Variants in TDRD1 observed in about 807,000 individuals in gnomAD.
TDRD1 encodes the protein tudor domain-containing protein 1.
Under a neutral mutation model 140.6 loss-of-function variants are expected in TDRD1, and 37 were observed. That is an observed-to-expected ratio of 0.26 (90% CI 0.20 to 0.35). The LOEUF is 0.35. TDRD1 is among the 10% of genes least tolerant of loss of function. TDRD1 has a pLI of 1.00. For missense variants in TDRD1, 1,243 were observed against 1,393.0 expected (o/e 0.89, Z 1.71); for synonymous variants, 506 against 475.7 (o/e 1.06, Z -0.83).
intron 3 of TDRD1, among the ~76,000 whole-genome samples, chr10:114,198,904 G>C (rs553020176): frequency 3.2e-4 from 49 of 152,176 alleles, no homozygotes; most frequent in Non-Finnish European, 1.0e-4. Flanking sequence ...CACCCAGTCT[G>C]GTATATATGA....
chr10:114,229,101 CA>C (rs60459811), intron 25 of TDRD1, among the ~76,000 whole-genome samples: 143,357 of 149,502 alleles, frequency 0.96, 68,654 homozygotes, highest in East Asian at 1. Context: ...CAAAACAAAA[CA>C]AAAAAAAAAA....
At chr10:114,187,021 G>A (rs2033587371) in intron 1 of TDRD1, among the ~76,000 whole-genome samples, 1 of 152,162 alleles carries the variant, frequency 6.6e-6, no homozygotes, top group African/African-American at 2.4e-5. Flanking sequence ...TCAGAAAGAA[G>A]AGGTGTTCGT....
At chr10:114,206,462 G>A (rs192368544) in intron 11 of TDRD1, 132 bp downstream of exon 11, 12 of 614,450 alleles carry the variant, frequency 2.0e-5, no homozygotes, top group African/African-American at 3.7e-5. Context: ...ATTTAAATAC[G>A]CTGTTTTATA....
At chr10:114,175,542 C>T (rs987614183), upstream of TDRD1, among the ~76,000 whole-genome samples, 3 of 152,126 alleles carry the variant, frequency 2.0e-5, no homozygotes, top group African/African-American at 7.2e-5. Flanking sequence ...ATTGCACACT[C>T]CTATTCCCCA....
intron 1 of TDRD1, among the ~76,000 whole-genome samples, chr10:114,185,201 TGTTTTTGAGACA>T (rs2033419684): frequency 6.6e-6 from 1 of 152,216 alleles, no homozygotes; most frequent in Non-Finnish European, 1.5e-5. Context: ...GTTTGTTTTT[TGTTTTTGAGACA>T]GAGTCTCATT....
chr10:114,215,144 G>A (rs1416982013), intron 16 of TDRD1, among the ~76,000 whole-genome samples: 1 of 152,178 alleles, frequency 6.6e-6, no homozygotes, highest in African/African-American at 2.4e-5. Context: ...CACTATGCGA[G>A]CTTCTGAGCC....
intron 13 of TDRD1, 42 bp from the exon 14 acceptor site, chr10:114,211,824 C>T (rs377513758): frequency 6.8e-7 from 1 of 1,473,624 alleles, no homozygotes; most frequent in South Asian, 1.6e-5. Flanking sequence ...TTTACATCTA[C>T]AGTGGAAAAA....
intron 5 of TDRD1, 60 bp from the exon 6 acceptor site, chr10:114,202,178 A>G: frequency 2.3e-6 from 3 of 1,307,490 alleles, no homozygotes; most frequent in South Asian, 1.4e-5. Context: ...ATTGTGGTTG[A>G]TAGCCCCTAT....
chr10:114,209,103 C>T (rs2035316591), intron 11 of TDRD1, among the ~76,000 whole-genome samples: 1 of 152,102 alleles, frequency 6.6e-6, no homozygotes, highest in South Asian at 2.1e-4. Flanking sequence ...AAAGCTGGCA[C>T]AGCTACTCAG....
intron 4 of TDRD1, among the ~76,000 whole-genome samples, chr10:114,199,980 A>C (rs1389411607): frequency 6.6e-6 from 1 of 152,210 alleles, no homozygotes. Context: ...TAGACACACA[A>C]TGGCTGAGTC....
At chr10:114,184,323 C>T (rs893903000) in intron 1 of TDRD1, among the ~76,000 whole-genome samples, 20 of 152,166 alleles carry the variant, frequency 1.3e-4, no homozygotes, top group African/African-American at 3.9e-4. Flanking sequence ...GATGCCTCAG[C>T]GTGTCTCTGC....
At chr10:114,228,873 C>T in intron 25 of TDRD1, 2 of 738,122 alleles carry the variant, frequency 2.7e-6, no homozygotes, top group Non-Finnish European at 3.3e-6. Flanking sequence ...CACCTGAGCC[C>T]AGGCGTTCGA....
intron 1 of TDRD1, among the ~76,000 whole-genome samples, chr10:114,186,703 G>A (rs1475707153): frequency 1.3e-5 from 2 of 152,234 alleles, no homozygotes; most frequent in Middle Eastern, 3.4e-3. Flanking sequence ...CTCCCCCATC[G>A]CTGCCCACCT....
intron 2 of TDRD1, among the ~76,000 whole-genome samples, chr10:114,188,994 T>G (rs2033763358): frequency 6.6e-6 from 1 of 152,184 alleles, no homozygotes; most frequent in Non-Finnish European, 1.5e-5. Flanking sequence ...GAATGTGCGC[T>G]TGGGCCTCTG....
upstream of TDRD1, among the ~76,000 whole-genome samples, chr10:114,177,434 C>T (rs1341131742): frequency 6.6e-6 from 1 of 152,164 alleles, no homozygotes; most frequent in Non-Finnish European, 1.5e-5. Context: ...TGTGGTCTTC[C>T]TTCCAATAAC....
chr10:114,226,507 A>G (rs181850667), intron 22 of TDRD1, among the ~76,000 whole-genome samples: 1 of 152,164 alleles, frequency 6.6e-6, no homozygotes, highest in East Asian at 1.9e-4. Flanking sequence ...AGGATGTGAA[A>G]CAGGGTGTCT....
chr10:114,217,859 A>G (rs1162816480), intron 17 of TDRD1, among the ~76,000 whole-genome samples: 1 of 152,196 alleles, frequency 6.6e-6, no homozygotes, highest in African/African-American at 2.4e-5. Context: ...TTTATTAAAC[A>G]TTATTTTAAT....
intron 22 of TDRD1, 128 bp downstream of exon 22, chr10:114,226,344 G>A (rs1237678328): frequency 1.6e-6 from 1 of 615,852 alleles, no homozygotes; most frequent in African/African-American, 1.9e-5. Context: ...TAAATATTAA[G>A]AGTTTTCAAA....
intron 1 of TDRD1, 59 bp from the exon 2 acceptor site, chr10:114,187,767 G>A (rs1055893005): frequency 7.3e-7 from 1 of 1,374,400 alleles, no homozygotes; most frequent in South Asian, 1.5e-5. Context: ...CTCTGAGCCT[G>A]CAGTTCTTCT....
Sources: gnomAD v4.1 joint callset for allele counts (sites outside exome capture counted in the v4.1 genomes callset) on GRCh38, gnomAD v4.1.1 for gene constraint, MANE v1.5 for transcripts, NCBI Gene and HGNC (gene_info 2026-07-23, HGNC 2026-07-21) for gene names.